Variants in ADD3 observed in about 807,000 individuals in gnomAD.
The protein encoded by ADD3 is adducin 3.
In ADD3, 25 loss-of-function variants were observed where a neutral mutation model predicts 80.2. The ratio of observed to expected loss-of-function variants is 0.31; its 90% CI spans 0.23 to 0.44. ADD3 has a LOEUF of 0.44. Ranked by LOEUF, ADD3 falls within the 20% of genes least tolerant of loss-of-function variation. The pLI, the probability that ADD3 is intolerant of heterozygous loss-of-function variation, is 1.00. For synonymous variants in ADD3, 284 were observed against 289.6 expected (o/e 0.98, Z 0.20); for missense variants, 829 against 847.5 (o/e 0.98, Z 0.27).
At chr10:110,131,174 C>A (rs1254115714) in intron 13 of ADD3, among the ~76,000 whole-genome samples, 2 of 152,206 alleles carry the variant, frequency 1.3e-5, no homozygotes, top group African/African-American at 4.8e-5. Context: ...AGCACACGGA[C>A]ACTCTAGTAG....
intron 1 of ADD3, among the ~76,000 whole-genome samples, chr10:110,090,490 G>A (rs1847367443): frequency 1.3e-5 from 2 of 152,014 alleles, no homozygotes; most frequent in South Asian, 2.1e-4. Flanking sequence ...CAAAGTGCTG[G>A]GATTACAGGT....
At chr10:110,097,777 CT>C (rs137999902) in intron 1 of ADD3, among the ~76,000 whole-genome samples, 282 of 137,084 alleles carry the variant, frequency 2.1e-3, no homozygotes, top group Middle Eastern at 3.7e-3. Context: ...CTTTGTTTTT[CT>C]TTTTTTTTTT....
At chr10:110,017,488 G>T (rs1853141377) in intron 1 of ADD3, among the ~76,000 whole-genome samples, 1 of 152,268 alleles carries the variant, frequency 6.6e-6, no homozygotes, top group African/African-American at 2.4e-5. Context: ...TCACCCTGGG[G>T]CGTGTGCTTA....
chr10:110,011,728 T>C (rs569992405), intron 1 of ADD3, among the ~76,000 whole-genome samples: 43 of 152,388 alleles, frequency 2.8e-4, no homozygotes, highest in African/African-American at 9.1e-4. Flanking sequence ...TTAAAATTAA[T>C]TGGACAGTCC....
At chr10:110,133,177 AATAG>A in intron 14 of ADD3, 145 bp from the exon 15 acceptor site, 2 of 755,666 alleles carry the variant, frequency 2.6e-6, no homozygotes, top group Non-Finnish European at 3.8e-6. Flanking sequence ...GCTTCTTGCT[AATAG>A]ATCACAGTTT....
upstream of ADD3, among the ~76,000 whole-genome samples, chr10:110,007,191 AAAG>A (rs1480687963): frequency 6.6e-6 from 1 of 152,164 alleles, no homozygotes; most frequent in Non-Finnish European, 1.5e-5. Flanking sequence ...TTTTCGCCTC[AAAG>A]AAGTGAGCTC....
At chr10:110,052,971 G>A (rs1857698665) in intron 1 of ADD3, among the ~76,000 whole-genome samples, 1 of 152,160 alleles carries the variant, frequency 6.6e-6, no homozygotes, top group Non-Finnish European at 1.5e-5. Context: ...TGAAGAGTTT[G>A]TCCTGAGGTG....
At chr10:110,005,393 T>C (rs1407795053), upstream of ADD3, among the ~76,000 whole-genome samples, 5 of 152,196 alleles carry the variant, frequency 3.3e-5, no homozygotes, top group Admixed American at 2.0e-4. Context: ...TGAGCACACA[T>C]TGAAACCTGT....
chr10:110,098,766 A>G (rs1391889268), intron 1 of ADD3, among the ~76,000 whole-genome samples: 1 of 151,992 alleles, frequency 6.6e-6, no homozygotes, highest in Non-Finnish European at 1.5e-5. Context: ...AGTAGCTGTG[A>G]TTACAGGCAC....
At chr10:110,048,337 T>C (rs920994518) in intron 1 of ADD3, among the ~76,000 whole-genome samples, 18 of 152,102 alleles carry the variant, frequency 1.2e-4, no homozygotes, top group African/African-American at 3.9e-4. Context: ...ATACTGTAAA[T>C]TGGCACCAGG....
intron 1 of ADD3, among the ~76,000 whole-genome samples, chr10:110,055,644 A>G (rs1467182052): frequency 2.6e-5 from 4 of 152,238 alleles, no homozygotes; most frequent in Admixed American, 6.5e-5. Context: ...AGAGGCAGGC[A>G]TCAGAGTCTT....
chr10:109,997,662 C>T (rs887026146), intron 1 of ADD3: 1 of 152,186 alleles, frequency 6.6e-6, no homozygotes, highest in Non-Finnish European at 1.5e-5. Flanking sequence ...TATGATTTGA[C>T]TATATTTGGG....
intron 1 of ADD3, among the ~76,000 whole-genome samples, chr10:110,020,877 A>C (rs943136653): frequency 2.6e-5 from 4 of 152,206 alleles, no homozygotes; most frequent in Non-Finnish European, 5.9e-5. Flanking sequence ...CCTAGGCAAA[A>C]GTCTAAGAAG....
At chr10:110,096,123 CTG>C (rs534901041) in intron 1 of ADD3, among the ~76,000 whole-genome samples, 385 of 152,136 alleles carry the variant, frequency 2.5e-3, no homozygotes, top group Middle Eastern at 0.01. Context: ...TAAGGGATGT[CTG>C]TGTTATTTAT....
intron 1 of ADD3, among the ~76,000 whole-genome samples, chr10:110,099,105 A>G (rs1054849876): frequency 2.4e-5 from 3 of 125,676 alleles, no homozygotes; most frequent in African/African-American, 9.0e-5. Context: ...TTTTTAATTT[A>G]TTTTGTAGAG....
Position 110,101,400 on chromosome 10 carries a change from G to A in ADD3, c.195+552G>A, listed in dbSNP as rs542083169. 5.9e-5 allele frequency among the ~76,000 whole-genome samples: 9 copies of A among 152,266 alleles called. No homozygotes were observed. In the South Asian group the frequency reaches 6.2e-4, roughly 11 times the overall value. On this transcript the variant is annotated intron_variant, in intron 2 of 14. Transcript: ENST00000356080. ...TGTAATCCCAGCACTTTGGGAAGCC[G>A]AGGCAGGAGGCTCACTTGAGCACAG...
chr10:110,130,234 C>G (rs1424680244), intron 12 of ADD3, 129 bp from the exon 13 acceptor site: 1 of 935,516 alleles, frequency 1.1e-6, no homozygotes, highest in Admixed American at 2.4e-5. Flanking sequence ...CCTTGCATTT[C>G]TTAGGATTGT....
At chr10:110,020,494 T>C (rs1853546550) in intron 1 of ADD3, among the ~76,000 whole-genome samples, 3 of 151,794 alleles carry the variant, frequency 2.0e-5, no homozygotes. Flanking sequence ...GGGAAGAACA[T>C]TGCAGGCAGA....
At chr10:110,103,702 CTATT>C (rs1488445714) in intron 2 of ADD3, among the ~76,000 whole-genome samples, 2 of 152,056 alleles carry the variant, frequency 1.3e-5, no homozygotes, top group African/African-American at 2.4e-5. Context: ...TCTCTGGTTA[CTATT>C]TATTTATTTA....
Sources: allele counts gnomAD v4.1 joint callset (sites outside exome capture counted in the v4.1 genomes callset), GRCh38; gene constraint gnomAD v4.1.1; transcripts MANE v1.5; gene names NCBI Gene and HGNC (gene_info 2026-07-23, HGNC 2026-07-21).